Variants in RELCH observed in about 807,000 individuals in gnomAD.
The protein encoded by RELCH is RAB11-binding protein RELCH.
In RELCH, 41 loss-of-function variants were observed where a neutral mutation model predicts 150.3. That is an observed-to-expected ratio of 0.27 (90% CI 0.21 to 0.35). RELCH has a LOEUF of 0.35. RELCH is among the 10% of genes least tolerant of loss of function. The pLI, the probability that RELCH is intolerant of heterozygous loss-of-function variation, is 1.00. For missense variants in RELCH, 1,092 were observed against 1,467.8 expected (o/e 0.74, Z 4.18); for synonymous variants, 478 against 531.8 (o/e 0.90, Z 1.39).
intron 27 of RELCH, among the ~76,000 whole-genome samples, chr18:62,297,017 C>T (rs78867748): frequency 0.077 from 11,661 of 152,236 alleles, 525 homozygotes; most frequent in Admixed American, 0.11. Flanking sequence ...CGCAAATTTC[C>T]CTACCTCCAT....
intron 13 of RELCH, among the ~76,000 whole-genome samples, chr18:62,257,460 A>G (rs150668531): frequency 4.7e-4 from 71 of 152,144 alleles, no homozygotes; most frequent in Non-Finnish European, 4.9e-4. Flanking sequence ...CAAATTTTCT[A>G]ATTGCCAGAG....
At chr18:62,294,711 CAT>C (rs1338664102) in intron 27 of RELCH, among the ~76,000 whole-genome samples, 1 of 152,078 alleles carries the variant, frequency 6.6e-6, no homozygotes, top group Non-Finnish European at 1.5e-5. Context: ...TTATAAAAGA[CAT>C]TATTTCCTAT....
rs544436131 is a variant in RELCH at position 62,287,026 on chromosome 18, T to C, written c.3254-325T>C. ...AAGTATAAATAATACAAGAGGTATG[T>C]TGTTTATAATTATTTGGGCTTCATT... On this transcript the variant is annotated intron_variant, in intron 25 of 28. Transcript: ENST00000644646. Among the ~76,000 whole-genome samples the C allele has an allele frequency of 8.5e-5, 13 of 152,326 alleles. No individual in the cohort carries two copies. In the South Asian group the frequency reaches 1.9e-3, roughly 22 times the overall value.
At chr18:62,226,288 A>G (rs1229448528) in intron 5 of RELCH, among the ~76,000 whole-genome samples, 1 of 152,098 alleles carries the variant, frequency 6.6e-6, no homozygotes, top group Non-Finnish European at 1.5e-5. Flanking sequence ...TTCTCTACAG[A>G]ATGCTTAAGT....
At chr18:62,261,441 T>C (rs1007935302) in intron 15 of RELCH, 70 bp from the exon 16 acceptor site, 103 of 1,403,374 alleles carry the variant, frequency 7.3e-5, no homozygotes, top group Non-Finnish European at 9.7e-5. Flanking sequence ...AGGAAGAACA[T>C]CATACATAAA....
chr18:62,213,762 G>C (rs903316366), intron 2 of RELCH, among the ~76,000 whole-genome samples: 9 of 144,516 alleles, frequency 6.2e-5, no homozygotes, highest in African/African-American at 2.3e-4. Flanking sequence ...ATCATTAATT[G>C]TTTGGTATAA....
At chr18:62,291,025 T>C (rs2145052221) in intron 26 of RELCH, among the ~76,000 whole-genome samples, 1 of 152,340 alleles carries the variant, frequency 6.6e-6, no homozygotes, top group Admixed American at 6.5e-5. Context: ...ATTTGCAGGT[T>C]AAAGTTCTTT....
intron 5 of RELCH, among the ~76,000 whole-genome samples, 197 bp downstream of exon 5, chr18:62,221,694 A>C (rs753954455): frequency 6.6e-6 from 1 of 151,488 alleles, no homozygotes; most frequent in Non-Finnish European, 1.5e-5. Flanking sequence ...GTTGCTTTCT[A>C]CATAAAGACT....
At chr18:62,290,777 A>G (rs1032808152) in intron 26 of RELCH, among the ~76,000 whole-genome samples, 1 of 152,238 alleles carries the variant, frequency 6.6e-6, no homozygotes, top group African/African-American at 2.4e-5. Flanking sequence ...TTATTACAGT[A>G]AAAGCTCTGT....
At chr18:62,291,400 T>G in intron 26 of RELCH, 143 bp from the exon 27 acceptor site, 1 of 494,112 alleles carries the variant, frequency 2.0e-6, no homozygotes, top group East Asian at 3.6e-5. Context: ...GATTCATGCT[T>G]GAGGGGAGCC....
intron 5 of RELCH, among the ~76,000 whole-genome samples, chr18:62,225,733 A>G (rs73456701): frequency 0.1 from 15,196 of 151,872 alleles, 904 homozygotes; most frequent in East Asian, 0.19. Context: ...AGGTAGATAC[A>G]TCTTAAATTT....
In RELCH at chr18:62,258,006, A is replaced by G; in HGVS notation, c.1955A>G (p.Lys652Arg). The G allele has an allele frequency of 6.2e-7, 1 of 1,608,702 alleles. No homozygotes were observed. Among genetic ancestry groups the G allele is most frequent in the Non-Finnish European group, 8.5e-7 (1 of 1,177,182 alleles). Residue 652 changes from lysine to arginine, a missense_variant, in exon 14 of 29, where the codon AAG becomes AGG. By Grantham distance (26) the Lys-to-Arg change is conservative. Coordinates refer to ENST00000644646, the MANE Select transcript of RELCH (RefSeq NM_001346231.2). ...SMLQQMLMED[K>R]ADLVREAVIK... ...TTGCAACAAATGTTAATGGAAGATA[A>G]GGCAGATTTGGTAAGAGAAGCTGTT...
At chr18:62,253,267 TTG>T (rs68067609) in intron 12 of RELCH, among the ~76,000 whole-genome samples, 16,388 of 136,244 alleles carry the variant, frequency 0.12, 932 homozygotes, top group Non-Finnish European at 0.15. Flanking sequence ...AGCAAGAAGA[TTG>T]TGTGTGTGTG....
At chr18:62,264,228 C>A in intron 17 of RELCH, 83 bp downstream of exon 17, 1 of 1,159,878 alleles carries the variant, frequency 8.6e-7, no homozygotes, top group Non-Finnish European at 1.2e-6. Context: ...TATAACAAAA[C>A]TTTTAAAATG....
At chr18:62,265,163 A>G (rs934916158) in intron 18 of RELCH, among the ~76,000 whole-genome samples, 5 of 152,070 alleles carry the variant, frequency 3.3e-5, no homozygotes, top group Admixed American at 6.6e-5. Flanking sequence ...CAATCCTTTG[A>G]ATGTGCTGCT....
intron 1 of RELCH, among the ~76,000 whole-genome samples, chr18:62,199,198 T>C (rs1473803891): frequency 6.6e-6 from 1 of 151,854 alleles, no homozygotes; most frequent in Non-Finnish European, 1.5e-5. Context: ...TTTATATTCC[T>C]GCCTTTCCCT....
chr18:62,216,295 T>G (rs1388401268), intron 2 of RELCH, among the ~76,000 whole-genome samples: 2 of 152,132 alleles, frequency 1.3e-5, no homozygotes, highest in African/African-American at 4.8e-5. Flanking sequence ...TGTCTATATC[T>G]GTCATAACAG....
In RELCH at chr18:62,273,965, A is replaced by AT. The variant is rs756968901; in HGVS notation, c.2761-10dup. ...GATTGTTTGGAAATTCAGTATCAGT[A>AT]TTTTTCCTCTGTAGGAAGAAGACCG... On this transcript the variant is annotated splice_polypyrimidine_tract_variant and intron_variant, in intron 20 of 28. Transcript: ENST00000644646. 2.7e-6 allele frequency: 4 copies of AT among 1,497,048 alleles called. No homozygotes were observed. In the African/African-American group the frequency reaches 5.5e-5, roughly 21 times the overall value. 92.7% of individuals were successfully genotyped at this position (1,497,048 alleles called of 1,614,324 possible).
At chr18:62,210,587 C>T (rs959713811) in intron 1 of RELCH, among the ~76,000 whole-genome samples, 3 of 152,104 alleles carry the variant, frequency 2.0e-5, no homozygotes, top group African/African-American at 7.2e-5. Context: ...TAACTCCTTT[C>T]GTTTATTGTA....
Sources: allele counts gnomAD v4.1 joint callset (sites outside exome capture counted in the v4.1 genomes callset), GRCh38; gene constraint gnomAD v4.1.1; transcripts MANE v1.5; gene names NCBI Gene and HGNC (gene_info 2026-07-23, HGNC 2026-07-21).